TRPM3: variants seen among roughly 807,000 people sequenced by gnomAD.
The protein encoded by TRPM3 is transient receptor potential cation channel subfamily M member 3, also known as long transient receptor potential channel 3.
In TRPM3, 77 loss-of-function variants were observed where a neutral mutation model predicts 181.2. The observed-to-expected ratio is 0.42, with a 90% CI of 0.35 to 0.51. The LOEUF (loss-of-function observed/expected upper bound fraction) is 0.51, where lower values mean the gene tolerates loss of function less well. Among genes scored for constraint, TRPM3 ranks in the 20% least tolerant of loss-of-function variants. The probability of loss-of-function intolerance (pLI) is 0.01; values close to 1 mark genes in which losing one functional copy is unlikely to be tolerated. For missense variants in TRPM3, 1,759 were observed against 2,196.7 expected (o/e 0.80, Z 3.98); for synonymous variants, 745 against 796.4 (o/e 0.94, Z 1.09).
chr9:71,104,055 C>G (rs554221251), intron 1 of TRPM3, among the ~76,000 whole-genome samples: 2 of 152,132 alleles, frequency 1.3e-5, no homozygotes, highest in African/African-American at 4.8e-5. Flanking sequence ...GCTGGGACTA[C>G]AGGAGCGTGC....
At chr9:70,688,041 G>A (rs1332795026) in intron 8 of TRPM3, among the ~76,000 whole-genome samples, 1 of 152,082 alleles carries the variant, frequency 6.6e-6, no homozygotes, top group Middle Eastern at 3.2e-3. Context: ...CTCTTTCTCT[G>A]TCCTCATTGT....
At chr9:71,030,751 A>G (rs182165031) in intron 1 of TRPM3, among the ~76,000 whole-genome samples, 212 of 152,254 alleles carry the variant, frequency 1.4e-3, no homozygotes, top group African/African-American at 4.8e-3. Context: ...TGTAAAAGCA[A>G]ATTTATGAAT....
chr9:71,269,683 AAAT>A (rs1286479762), intron 1 of TRPM3, among the ~76,000 whole-genome samples: 7 of 152,340 alleles, frequency 4.6e-5, no homozygotes, highest in African/African-American at 9.6e-5. Flanking sequence ...TACATCTGAC[AAAT>A]AATAGGGAAA....
At chr9:70,624,679 T>C (rs2064211859) in intron 14 of TRPM3, among the ~76,000 whole-genome samples, 1 of 152,228 alleles carries the variant, frequency 6.6e-6, no homozygotes, top group Admixed American at 6.5e-5. Flanking sequence ...TTAACCAGAA[T>C]ATCCTACAAC....
intron 1 of TRPM3, among the ~76,000 whole-genome samples, chr9:71,307,366 CAG>C (rs2087451233): frequency 6.6e-6 from 1 of 151,994 alleles, no homozygotes; most frequent in Non-Finnish European, 1.5e-5. Flanking sequence ...TGATTTCTAA[CAG>C]TATTAAATTT....
At chr9:71,130,698 G>A (rs759543229) in intron 1 of TRPM3, among the ~76,000 whole-genome samples, 7 of 152,184 alleles carry the variant, frequency 4.6e-5, no homozygotes, top group Middle Eastern at 3.4e-3. Context: ...ATCCGCAGGC[G>A]CCTAAATGGT....
At chr9:71,344,729 A>C (rs1425952202) in intron 1 of TRPM3, among the ~76,000 whole-genome samples, 1 of 152,196 alleles carries the variant, frequency 6.6e-6, no homozygotes, top group Non-Finnish European at 1.5e-5. Context: ...AAAAAGTTAT[A>C]AACTAGATTT....
At chr9:71,446,763 G>T in exon 1 of TRPM3, 1 of 1,550,492 alleles carries the variant, frequency 6.4e-7, no homozygotes, top group Non-Finnish European at 8.7e-7. Flanking sequence ...CTGCGTCTGC[G>T]GCTCTCCGCG....
intron 1 of TRPM3, among the ~76,000 whole-genome samples, chr9:71,353,468 T>C (rs1011386925): frequency 5.3e-5 from 8 of 152,130 alleles, no homozygotes; most frequent in African/African-American, 1.9e-4. Flanking sequence ...TCTCTATATC[T>C]ATCCATGGCA....
At chr9:70,803,147 C>T (rs1430197289) in intron 6 of TRPM3, among the ~76,000 whole-genome samples, 10 of 148,682 alleles carry the variant, frequency 6.7e-5, no homozygotes, top group Admixed American at 4.7e-4. Flanking sequence ...AGATGAGATG[C>T]GGAAGAAATG....
intron 1 of TRPM3, among the ~76,000 whole-genome samples, chr9:71,293,810 A>G (rs929245390): frequency 1.3e-5 from 2 of 152,012 alleles, no homozygotes; most frequent in African/African-American, 4.8e-5. Context: ...TAAAACTATA[A>G]CAATGATATT....
Position 70,784,120 on chromosome 9 carries a change from T to G in TRPM3, c.1133A>C (p.Tyr378Ser), listed in dbSNP as rs1259994525. ...AGTTACCTACCCGCCTTCTTCTGAG[T>G]ATTTATGCCCAAAGGCCAGGATGTC... is the stretch of plus-strand genomic sequence containing the variant. ...ASDILAFGHK[Y>S]SEEGGLINES... Residue 378 changes from tyrosine (Y) to serine (S), a missense_variant, in exon 7 of 26, where the codon TAC becomes TCC. By Grantham distance (144) the Tyr-to-Ser change is moderately radical. Transcript: ENST00000677713. 1 of 1,613,226 alleles carries G rather than the reference T, an allele frequency of 6.2e-7. No homozygotes were observed. Among genetic ancestry groups the G allele is most frequent in the Admixed American group, 1.7e-5 (1 of 59,948 alleles).
chr9:70,793,544 T>C (rs1350253790), intron 6 of TRPM3: 2 of 462,760 alleles, frequency 4.3e-6, no homozygotes, highest in African/African-American at 4.0e-5. Context: ...TACATACATA[T>C]ATACATACAT....
chr9:71,230,718 T>C (rs577030038), intron 1 of TRPM3, among the ~76,000 whole-genome samples: 73 of 152,316 alleles, frequency 4.8e-4, no homozygotes, highest in African/African-American at 1.3e-3. Context: ...CTCATGCTTT[T>C]ACTTTAAGTT....
intron 1 of TRPM3, among the ~76,000 whole-genome samples, chr9:71,271,181 T>C (rs2083760697): frequency 6.6e-6 from 1 of 152,206 alleles, no homozygotes; most frequent in Non-Finnish European, 1.5e-5. Context: ...TGACACCCAC[T>C]CAGGGGCAAA....
chr9:70,847,681 CAGA>C (rs71826360), intron 3 of TRPM3, among the ~76,000 whole-genome samples: 85,865 of 151,622 alleles, frequency 0.57, 24,654 homozygotes, highest in Non-Finnish European at 0.58. Flanking sequence ...GCCTGATGCA[CAGA>C]AGAAGATGGC....
At chr9:70,861,217 A>G (rs191452208) in intron 3 of TRPM3, among the ~76,000 whole-genome samples, 19 of 152,292 alleles carry the variant, frequency 1.2e-4, no homozygotes, top group African/African-American at 3.8e-4. Context: ...TAAAACTATC[A>G]TTTGATGAAA....
chr9:70,823,782 C>T (rs11142603), intron 6 of TRPM3, among the ~76,000 whole-genome samples: 41,626 of 152,156 alleles, frequency 0.27, 6,297 homozygotes, highest in Non-Finnish European at 0.33. Context: ...TAAGTATTTA[C>T]TTACTAAAGG....
At chr9:71,065,293 C>G (rs935654057) in intron 1 of TRPM3, among the ~76,000 whole-genome samples, 1 of 152,130 alleles carries the variant, frequency 6.6e-6, no homozygotes, top group Non-Finnish European at 1.5e-5. Context: ...AAAAATGCCA[C>G]TAATTGGTTT....
Sources: allele counts gnomAD v4.1 joint callset (sites outside exome capture counted in the v4.1 genomes callset), GRCh38; gene constraint gnomAD v4.1.1; transcripts MANE v1.5; gene names NCBI Gene and HGNC (gene_info 2026-07-23, HGNC 2026-07-21).